The following SH3D19 variants were observed in gnomAD, a reference collection of about 807,000 sequenced individuals.
SH3D19 encodes the protein SH3 domain containing 19.
Under a neutral mutation model 112.1 loss-of-function variants are expected in SH3D19, and 58 were observed. The ratio of observed to expected loss-of-function variants is 0.52; its 90% CI spans 0.42 to 0.64. The LOEUF (loss-of-function observed/expected upper bound fraction) is 0.64. Among genes scored for constraint, SH3D19 ranks in the 30% least tolerant of loss-of-function variants. The pLI is 0.00. For synonymous variants in SH3D19, 391 were observed against 448.5 expected (o/e 0.87, Z 1.62); for missense variants, 1,090 against 1,263.4 (o/e 0.86, Z 2.08).
rs1404815589 is a variant in SH3D19, at chr4:151,198,205, T to C, written c.153-10742A>G. On this transcript the variant is annotated intron_variant, in intron 2 of 19. Transcript: ENST00000604030. The stretch of plus-strand genomic sequence containing the variant: ...CTGTAGTCCCAGCTACTCAGGAGGC[T>C]GAGGCAGAAGAATCACTTGAACCCG... Among the ~76,000 whole-genome samples, 6 of 151,048 alleles carry C rather than the reference T, an allele frequency of 4.0e-5. No homozygotes were observed. In the South Asian group the frequency reaches 6.2e-4, roughly 16 times the overall value.
rs1561321023 is a variant in SH3D19 at position 151,195,392 on chromosome 4, A to AAAAAAG, written c.153-7935_153-7930dup. Among the ~76,000 whole-genome samples, 238 of 139,836 alleles carry AAAAAAG rather than the reference A, an allele frequency of 1.7e-3. 3 individuals carry two copies. The highest frequency in any genetic ancestry group is 6.5e-3 in the African/African-American group (204 of 31,564). The allele number at this position is 139,836 out of a possible 152,430, so 91.7% of individuals were successfully genotyped here. Reference sequence around the variant, plus strand: ...GTCTCAAAAAAAAAAAAAAAAAAAAAAAAAAGAAAAAGAAAAAAAGAGTTA... The same window carrying AAAAAAG: ...GTCTCAAAAAAAAAAAAAAAAAAAAAAAAAAGAAAAAGAAAAAGAAAAAAAGAGTTA... On this transcript the variant is annotated intron_variant, in intron 2 of 19. Coordinates refer to ENST00000604030, the MANE Select transcript of SH3D19 (RefSeq NM_001378122.1).
intron 1 of SH3D19, chr4:151,280,097 C>CTAGGGATGA: frequency 3.0e-6 from 3 of 998,846 alleles, no homozygotes; most frequent in South Asian, 3.1e-5. Context: ...GACTATCAAA[C>CTAGGGATGA]CCGAAACAAC....
intron 11 of SH3D19, among the ~76,000 whole-genome samples, chr4:151,147,195 T>G (rs1444487143): frequency 2.0e-5 from 3 of 152,196 alleles, no homozygotes; most frequent in Non-Finnish European, 4.4e-5. Flanking sequence ...TGCAGTACAC[T>G]ATGATTGCAG....
chr4:151,183,339 C>T (rs1761249567), intron 3 of SH3D19, among the ~76,000 whole-genome samples: 1 of 152,136 alleles, frequency 6.6e-6, no homozygotes, highest in South Asian at 2.1e-4. Flanking sequence ...AAATACAAAA[C>T]ATATTCATGT....
At chr4:151,226,510 C>T (rs1769027325) in intron 1 of SH3D19, 2 of 982,714 alleles carry the variant, frequency 2.0e-6, no homozygotes, top group African/African-American at 1.7e-5. Context: ...GAAAAATGAG[C>T]AGTCAGCTAC....
At chr4:151,191,821 A>G (rs1762678504) in intron 2 of SH3D19, among the ~76,000 whole-genome samples, 1 of 150,922 alleles carries the variant, frequency 6.6e-6, no homozygotes, top group Non-Finnish European at 1.5e-5. Flanking sequence ...AAATTTTTGT[A>G]TTTTTAGTAG....
chr4:151,286,184 G>GAAAAA (rs56850648), intron 1 of SH3D19, among the ~76,000 whole-genome samples: 682 of 86,346 alleles, frequency 7.9e-3, no homozygotes, highest in East Asian at 9.5e-3. Flanking sequence ...CTGTCTTAAA[G>GAAAAA]AAAAAAAAAA....
chr4:151,223,753 T>C (rs2149942760), intron 2 of SH3D19, among the ~76,000 whole-genome samples: 1 of 152,214 alleles, frequency 6.6e-6, no homozygotes, highest in East Asian at 1.9e-4. Context: ...CTCTTTTTTT[T>C]CATCTTCCCT....
chr4:151,177,367 T>C (rs1218451446), intron 4 of SH3D19, among the ~76,000 whole-genome samples: 5 of 152,148 alleles, frequency 3.3e-5, no homozygotes, highest in African/African-American at 1.2e-4. Context: ...TGAGACAGAG[T>C]CTCACTCTGT....
chr4:151,202,042 T>C (rs1051847834), intron 2 of SH3D19, among the ~76,000 whole-genome samples: 20 of 144,252 alleles, frequency 1.4e-4, no homozygotes, highest in African/African-American at 4.9e-4. Context: ...AAAATAATGA[T>C]AATAACAATA....
Position 151,148,286 on chromosome 4 carries a change from C to CACAGAG in SH3D19, c.1818-106_1818-101dup, listed in dbSNP as rs1040606679. ...ACACACACACACACACACACACACACACAGAGACACAGCTTTCTGCTAGTG... is the reference window on the plus strand; with the variant it reads ...ACACACACACACACACACACACACACACAGAGACAGAGACACAGCTTTCTGCTAGTG... On this transcript the variant is annotated intron_variant, in intron 10 of 19. Transcript: ENST00000604030. 12 of 825,680 alleles carry CACAGAG rather than the reference C, an allele frequency of 1.5e-5. No individual in the cohort carries two copies. In the East Asian group the frequency reaches 2.5e-4, roughly 17 times the overall value. The allele number at this position is 825,680 out of a possible 1,614,324, so 51.1% of individuals were successfully genotyped here.
chr4:151,271,943 A>G (rs992868509), intron 1 of SH3D19, among the ~76,000 whole-genome samples: 5 of 152,166 alleles, frequency 3.3e-5, no homozygotes, highest in African/African-American at 9.7e-5. Context: ...GCATAGGGTA[A>G]TAATCTGGGG....
intron 1 of SH3D19, among the ~76,000 whole-genome samples, chr4:151,283,556 C>T (rs1580402513): frequency 1.4e-5 from 2 of 146,114 alleles, no homozygotes; most frequent in East Asian, 4.0e-4. Context: ...CTTGCTCTGT[C>T]ACCCAGGCTT....
chr4:151,212,941 C>T (rs370445995), intron 2 of SH3D19, among the ~76,000 whole-genome samples: 2 of 152,128 alleles, frequency 1.3e-5, no homozygotes, highest in Admixed American at 6.5e-5. Context: ...TGGAAGAAGT[C>T]GATTCCAACC....
intron 12 of SH3D19, chr4:151,140,356 C>A (rs1447261539): frequency 6.6e-6 from 1 of 152,436 alleles, no homozygotes; most frequent in African/African-American, 2.4e-5. Context: ...AAAGTAAAAT[C>A]CATTTCATTT....
At chr4:151,269,015 T>C (rs947684907) in intron 1 of SH3D19, among the ~76,000 whole-genome samples, 36 of 152,292 alleles carry the variant, frequency 2.4e-4, no homozygotes, top group African/African-American at 6.7e-4. Flanking sequence ...GGAATTGCCA[T>C]ACTGACTTCC....
chr4:151,185,012 T>G (rs1453433381), intron 3 of SH3D19, among the ~76,000 whole-genome samples: 2 of 150,258 alleles, frequency 1.3e-5, no homozygotes, highest in African/African-American at 4.9e-5. Context: ...AATCTTCTCC[T>G]TTGACCTCTA....
intron 1 of SH3D19, chr4:151,291,061 T>C: frequency 1.5e-6 from 2 of 1,352,970 alleles, no homozygotes. Flanking sequence ...CCCTTATTAC[T>C]ACTCTCTTCT....
At chr4:151,145,734 T>C (rs1753812813) in intron 11 of SH3D19, among the ~76,000 whole-genome samples, 1 of 152,168 alleles carries the variant, frequency 6.6e-6, no homozygotes, top group Non-Finnish European at 1.5e-5. Context: ...CCAAATCAAG[T>C]AGAGGCTACG....
Sources: gnomAD v4.1 joint callset for allele counts (sites outside exome capture counted in the v4.1 genomes callset) on GRCh38, gnomAD v4.1.1 for gene constraint, MANE v1.5 for transcripts, NCBI Gene and HGNC (gene_info 2026-07-23, HGNC 2026-07-21) for gene names.